The following NAALADL2 variants were observed in gnomAD, a reference collection of about 807,000 sequenced individuals.
The protein encoded by NAALADL2 is inactive N-acetylated-alpha-linked acidic dipeptidase-like protein 2.
A neutral mutation model predicts 87.2 loss-of-function variants in NAALADL2; 76 were observed. That is an observed-to-expected ratio of 0.87 (90% CI 0.72 to 1.05). The LOEUF (loss-of-function observed/expected upper bound fraction) is 1.05. NAALADL2 is among the 50% of genes least tolerant of loss of function. NAALADL2 has a pLI of 0.00. For synonymous variants in NAALADL2, 354 were observed against 331.0 expected (o/e 1.07, Z -0.75); for missense variants, 1,089 against 945.8 (o/e 1.15, Z -1.99).
chr3:174,694,988 T>C (rs2108863759), intron 2 of NAALADL2, among the ~76,000 whole-genome samples: 1 of 152,152 alleles, frequency 6.6e-6, no homozygotes, highest in Admixed American at 6.5e-5. Flanking sequence ...AAGGAATTCA[T>C]TGTCTAACTT....
chr3:175,148,746 G>T (rs1016732592), intron 2 of NAALADL2, among the ~76,000 whole-genome samples: 2 of 152,056 alleles, frequency 1.3e-5, no homozygotes, highest in African/African-American at 2.4e-5. Flanking sequence ...AAGATCAGAT[G>T]ACCATAAGTG....
At chr3:175,779,723 G>A (rs1750752485) in intron 13 of NAALADL2, among the ~76,000 whole-genome samples, 1 of 152,114 alleles carries the variant, frequency 6.6e-6, no homozygotes, top group African/African-American at 2.4e-5. Context: ...GGTAACTTGA[G>A]AATATCAAGA....
intron 2 of NAALADL2, among the ~76,000 whole-genome samples, chr3:175,175,303 G>A (rs906795861): frequency 2.6e-5 from 4 of 151,808 alleles, no homozygotes; most frequent in African/African-American, 4.8e-5. Context: ...GTTTTAAAAC[G>A]GAGTTTTTAA....
chr3:175,004,248 T>A lies in NAALADL2; in HGVS notation c.44-92542T>A, dbSNP rs1230916196. ...AGTAAGTAAATAAATAAATAAATAA[T>A]TAGCTGGGTGTGGTGATGCATGCTT... is the stretch of plus-strand genomic sequence containing the variant. On this transcript the variant is annotated intron_variant, in intron 1 of 13. Coordinates refer to ENST00000454872, the MANE Select transcript of NAALADL2 (RefSeq NM_207015.3). Among the ~76,000 whole-genome samples the A allele has an allele frequency of 2.6e-5, 4 of 151,694 alleles. No individual in the cohort carries two copies. In the East Asian group the frequency reaches 7.7e-4, roughly 29 times the overall value.
intron 1 of NAALADL2, among the ~76,000 whole-genome samples, chr3:174,933,263 C>T (rs1165867592): frequency 6.6e-6 from 1 of 152,172 alleles, no homozygotes; most frequent in African/African-American, 2.4e-5. Flanking sequence ...ACTTTTGTGT[C>T]TTAATGTCAG....
chr3:175,687,883 C>T (rs1736527642), intron 11 of NAALADL2, among the ~76,000 whole-genome samples: 2 of 151,968 alleles, frequency 1.3e-5, no homozygotes, highest in Non-Finnish European at 2.9e-5. Flanking sequence ...CCCCCTTCGC[C>T]TTCCGCCATG....
chr3:175,654,225 G>C (rs1326918544), intron 11 of NAALADL2, among the ~76,000 whole-genome samples: 2 of 152,066 alleles, frequency 1.3e-5, no homozygotes, highest in Non-Finnish European at 1.5e-5. Context: ...TTACTAATGA[G>C]TGTTTTTGTG....
chr3:175,572,900 GAA>G (rs11299677), intron 9 of NAALADL2, among the ~76,000 whole-genome samples: 18,469 of 147,058 alleles, frequency 0.13, 1,268 homozygotes, highest in Middle Eastern at 0.17. Context: ...ACTCTATCTT[GAA>G]AAAAAAAAAA....
intron 1 of NAALADL2, among the ~76,000 whole-genome samples, chr3:174,519,661 T>C (rs1345493634): frequency 2.0e-5 from 3 of 151,984 alleles, no homozygotes; most frequent in African/African-American, 4.8e-5. Context: ...CTATTTTTCA[T>C]GTATTACCCT....
At chr3:174,787,599 A>ATATATG (rs1553855296) in intron 3 of NAALADL2, among the ~76,000 whole-genome samples, 1 of 67,882 alleles carries the variant, frequency 1.5e-5, no homozygotes, top group Non-Finnish European at 3.2e-5. Context: ...ATATATATAT[A>ATATATG]TATATATATA....
intron 2 of NAALADL2, among the ~76,000 whole-genome samples, chr3:175,118,225 T>A (rs1941364615): frequency 1.3e-5 from 2 of 151,836 alleles, no homozygotes; most frequent in South Asian, 2.1e-4. Context: ...AACCTGCACG[T>A]TGTGCACATG....
chr3:174,600,738 T>C (rs532303924), intron 2 of NAALADL2, among the ~76,000 whole-genome samples: 45 of 152,214 alleles, frequency 3.0e-4, no homozygotes, highest in African/African-American at 9.9e-4. Flanking sequence ...CAGGCATGTC[T>C]TACATGGCTG....
intron 2 of NAALADL2, among the ~76,000 whole-genome samples, chr3:175,121,377 G>A (rs115901868): frequency 9.5e-4 from 145 of 151,930 alleles, no homozygotes; most frequent in African/African-American, 3.5e-3. Context: ...CCTGCAAAGT[G>A]GAGAACTAGA....
intron 3 of NAALADL2, among the ~76,000 whole-genome samples, chr3:175,244,172 A>G (rs1036778173): frequency 6.6e-6 from 1 of 152,122 alleles, no homozygotes; most frequent in East Asian, 1.9e-4. Flanking sequence ...TTTGTGTCTT[A>G]TAATAGTTTT....
intron 5 of NAALADL2, among the ~76,000 whole-genome samples, chr3:175,343,585 ACCTGGTCTT>A (rs1581503832): frequency 6.9e-6 from 1 of 145,680 alleles, no homozygotes; most frequent in East Asian, 2.1e-4. Flanking sequence ...TCACTGCGCC[ACCTGGTCTT>A]TCATGCATTA....
At chr3:174,715,536 C>G (rs367593303) in intron 2 of NAALADL2, among the ~76,000 whole-genome samples, 1 of 152,158 alleles carries the variant, frequency 6.6e-6, no homozygotes, top group African/African-American at 2.4e-5. Flanking sequence ...TCACATTTCA[C>G]TGGAGAATGG....
intron 11 of NAALADL2, among the ~76,000 whole-genome samples, chr3:175,650,608 A>T (rs1730638082): frequency 6.6e-6 from 1 of 152,156 alleles, no homozygotes; most frequent in African/African-American, 2.4e-5. Context: ...ATTAAGATTC[A>T]GTCCTATTCT....
chr3:174,497,131 G>A (rs1023940387), intron 1 of NAALADL2, among the ~76,000 whole-genome samples: 3 of 152,042 alleles, frequency 2.0e-5, no homozygotes, highest in East Asian at 3.9e-4. Context: ...TAGATGATAT[G>A]CAAATAGGTA....
intron 5 of NAALADL2, among the ~76,000 whole-genome samples, chr3:175,391,403 C>T (rs940193020): frequency 6.6e-6 from 1 of 152,130 alleles, no homozygotes; most frequent in Admixed American, 6.5e-5. Context: ...GTGGGCCCTC[C>T]CTTGATCTCT....
Sources: gnomAD v4.1 joint callset for allele counts (sites outside exome capture counted in the v4.1 genomes callset) on GRCh38, gnomAD v4.1.1 for gene constraint, MANE v1.5 for transcripts, NCBI Gene and HGNC (gene_info 2026-07-23, HGNC 2026-07-21) for gene names.